Variants in GPC5 observed in about 807,000 individuals in gnomAD.
GPC5 encodes glypican 5.
A neutral mutation model predicts 53.9 loss-of-function variants in GPC5; 47 were observed. That is an observed-to-expected ratio of 0.87 (90% CI 0.69 to 1.11). GPC5 has a LOEUF of 1.11. Ranked by LOEUF, GPC5 falls within the 50% of genes most tolerant of loss-of-function variation. The probability of loss-of-function intolerance (pLI) is 0.00; values close to 1 mark genes in which losing one functional copy is unlikely to be tolerated. For synonymous variants in GPC5, 286 were observed against 263.3 expected (o/e 1.09, Z -0.84); for missense variants, 748 against 713.1 (o/e 1.05, Z -0.56).
intron 2 of GPC5, among the ~76,000 whole-genome samples, chr13:91,519,465 G>A (rs567523619): frequency 6.6e-5 from 10 of 152,140 alleles, no homozygotes; most frequent in Admixed American, 2.0e-4. Context: ...GTTCTCATGA[G>A]AGTGAGTGAG....
At chr13:92,575,079 C>T (rs1883149450) in intron 7 of GPC5, among the ~76,000 whole-genome samples, 1 of 152,198 alleles carries the variant, frequency 6.6e-6, no homozygotes. Flanking sequence ...ATCTTCTCTA[C>T]TCCTTCTGCT....
intron 7 of GPC5, among the ~76,000 whole-genome samples, chr13:92,302,773 G>T (rs1202071992): frequency 1.3e-5 from 2 of 152,102 alleles, no homozygotes; most frequent in South Asian, 2.1e-4. Context: ...TTGATTCCCT[G>T]GGGAGTTATT....
chr13:92,153,850 A>G lies in GPC5; in HGVS notation c.1561+8861A>G, dbSNP rs73620841. The stretch of plus-strand genomic sequence containing the variant: ...GTAATTAACTTCTATTTCCCTCATA[A>G]TTAATTGGATTTCACTTTTTAAACA... On this transcript the variant is annotated intron_variant, in intron 7 of 7. Transcript: ENST00000377067. Among the ~76,000 whole-genome samples, 1,161 of 152,328 alleles carry G rather than the reference A, an allele frequency of 7.6e-3. 17 individuals are homozygous for G. Among genetic ancestry groups the G allele is most frequent in the African/African-American group, 0.026 (1,080 of 41,588 alleles).
In GPC5 at chr13:91,545,541, TGTG is replaced by T. The variant is rs71744902; in HGVS notation, c.325+96623_325+96625del. Among the ~76,000 whole-genome samples the T allele has an allele frequency of 8.5e-3, 1,297 of 152,294 alleles. 16 individuals are homozygous for T. Among genetic ancestry groups the T allele is most frequent in the African/African-American group, 0.03 (1,251 of 41,564 alleles). ...TTTCATTACTATTATAAAAAATTAT[TGTG>T]GTGAGAACACTTAATACTGTATCTA... On this transcript the variant is annotated intron_variant, in intron 2 of 7. Coordinates refer to ENST00000377067, the MANE Select transcript of GPC5 (RefSeq NM_004466.6).
At chr13:91,726,458 A>G (rs1489030366) in intron 3 of GPC5, among the ~76,000 whole-genome samples, 1 of 152,206 alleles carries the variant, frequency 6.6e-6, no homozygotes, top group Non-Finnish European at 1.5e-5. Context: ...TAAAAAATAA[A>G]GCTCCTTAGC....
chr13:92,237,914 A>G (rs1344426898), intron 7 of GPC5, among the ~76,000 whole-genome samples: 1 of 152,116 alleles, frequency 6.6e-6, no homozygotes, highest in Non-Finnish European at 1.5e-5. Flanking sequence ...TGGAATCATA[A>G]TAAGCATTCT....
chr13:92,135,679 CT>C (rs1196272148), intron 6 of GPC5, among the ~76,000 whole-genome samples: 1 of 152,110 alleles, frequency 6.6e-6, no homozygotes, highest in Non-Finnish European at 1.5e-5. Flanking sequence ...ATTCACAAGA[CT>C]TTTATAAATT....
At chr13:92,568,902 T>C (rs1026875989) in intron 7 of GPC5, among the ~76,000 whole-genome samples, 2 of 152,108 alleles carry the variant, frequency 1.3e-5, no homozygotes, top group African/African-American at 2.4e-5. Flanking sequence ...ATTCTATACT[T>C]TTCATAGGCA....
At chr13:91,576,118 G>A (rs1594279940) in intron 2 of GPC5, among the ~76,000 whole-genome samples, 1 of 152,078 alleles carries the variant, frequency 6.6e-6, no homozygotes, top group Non-Finnish European at 1.5e-5. Flanking sequence ...ACATTGGGCA[G>A]ACAGATGTTG....
intron 6 of GPC5, among the ~76,000 whole-genome samples, chr13:91,983,674 A>C (rs1045839211): frequency 1.2e-4 from 18 of 152,158 alleles, no homozygotes; most frequent in Non-Finnish European, 2.6e-4. Flanking sequence ...CTGGAGCAGA[A>C]TATTGATAAG....
intron 7 of GPC5, among the ~76,000 whole-genome samples, chr13:92,465,551 T>C (rs999197493): frequency 6.6e-6 from 1 of 151,928 alleles, no homozygotes; most frequent in African/African-American, 2.4e-5. Flanking sequence ...TATAGGAGAG[T>C]CAACACTTCA....
At chr13:92,468,364 A>C (rs1442560545) in intron 7 of GPC5, among the ~76,000 whole-genome samples, 1 of 152,126 alleles carries the variant, frequency 6.6e-6, no homozygotes, top group Non-Finnish European at 1.5e-5. Context: ...ACTCCAGAAG[A>C]GTGTTCTTGG....
At chr13:92,044,161 T>C (rs1170929851) in intron 6 of GPC5, among the ~76,000 whole-genome samples, 2 of 152,220 alleles carry the variant, frequency 1.3e-5, no homozygotes, top group Non-Finnish European at 2.9e-5. Context: ...AGAAAATCTA[T>C]ACTTTGTCAC....
intron 7 of GPC5, among the ~76,000 whole-genome samples, chr13:92,657,896 T>C (rs1297339012): frequency 6.6e-6 from 1 of 152,146 alleles, no homozygotes; most frequent in Non-Finnish European, 1.5e-5. Context: ...ATCATCTGAA[T>C]TGCTTTTCTA....
intron 1 of GPC5, among the ~76,000 whole-genome samples, chr13:91,420,874 T>C (rs1357427946): frequency 1.3e-5 from 2 of 152,246 alleles, no homozygotes; most frequent in African/African-American, 2.4e-5. Flanking sequence ...TCCCCAGCCA[T>C]GTGGAACTGT....
chr13:92,447,065 T>C (rs1423293694), intron 7 of GPC5: 1 of 152,182 alleles, frequency 6.6e-6, no homozygotes, highest in Non-Finnish European at 1.5e-5. Flanking sequence ...ATAGATATTT[T>C]CTCCCATTCT....
intron 7 of GPC5, among the ~76,000 whole-genome samples, chr13:92,713,052 T>G (rs1328349905): frequency 6.6e-6 from 1 of 151,942 alleles, no homozygotes; most frequent in East Asian, 1.9e-4. Context: ...CCAAGCAAAC[T>G]AATACACCTT....
At chr13:92,107,439 G>A (rs1263324434) in intron 6 of GPC5, among the ~76,000 whole-genome samples, 1 of 151,914 alleles carries the variant, frequency 6.6e-6, no homozygotes, top group Non-Finnish European at 1.5e-5. Flanking sequence ...CAGTGTTGGG[G>A]CACTTGAAAG....
At chr13:91,414,604 G>A (rs1264343737) in intron 1 of GPC5, among the ~76,000 whole-genome samples, 5 of 152,180 alleles carry the variant, frequency 3.3e-5, no homozygotes, top group Non-Finnish European at 7.4e-5. Context: ...GAGGGGGAGG[G>A]ATGCAGATGG....
Sources: allele counts gnomAD v4.1 joint callset (sites outside exome capture counted in the v4.1 genomes callset), GRCh38; gene constraint gnomAD v4.1.1; transcripts MANE v1.5; gene names NCBI Gene and HGNC (gene_info 2026-07-23, HGNC 2026-07-21).